Variants in CSNK1G3 observed in about 807,000 individuals in gnomAD.
The protein encoded by CSNK1G3 is casein kinase 1 gamma 3, also known as casein kinase I isoform gamma-3.
A neutral mutation model predicts 64.3 loss-of-function variants in CSNK1G3; 23 were observed. The ratio of observed to expected loss-of-function variants is 0.36; its 90% CI spans 0.26 to 0.51. The LOEUF is 0.51. CSNK1G3 is among the 20% of genes least tolerant of loss of function. The pLI is 0.96. For synonymous variants in CSNK1G3, 158 were observed against 162.2 expected, an observed-to-expected ratio of 0.97 and a Z score of 0.20; for missense variants, 357 against 510.5, an observed-to-expected ratio of 0.70 and a Z score of 2.90.
At chr5:123,593,168 T>G (rs1792725634) in intron 10 of CSNK1G3, among the ~76,000 whole-genome samples, 1 of 150,316 alleles carries the variant, frequency 6.7e-6, no homozygotes. Flanking sequence ...GTCCAGTCCT[T>G]GCACTAAATG....
chr5:123,552,407 G>T (rs142262074), intron 2 of CSNK1G3, among the ~76,000 whole-genome samples: 1,553 of 152,220 alleles, frequency 0.01, 33 homozygotes, highest in African/African-American at 0.035. Flanking sequence ...GCCTCCCAAA[G>T]TGTTGGGATT....
chr5:123,570,709 A>G (rs1388794197), intron 4 of CSNK1G3, among the ~76,000 whole-genome samples: 1 of 152,158 alleles, frequency 6.6e-6, no homozygotes, highest in East Asian at 1.9e-4. Context: ...CATTTTTTAT[A>G]TAGTTCTAAC....
chr5:123,521,978 C>T (rs1361225813), intron 1 of CSNK1G3, among the ~76,000 whole-genome samples: 1 of 152,132 alleles, frequency 6.6e-6, no homozygotes, highest in Non-Finnish European at 1.5e-5. Context: ...CAGACGATTC[C>T]AGTGTCCTGC....
intron 2 of CSNK1G3, among the ~76,000 whole-genome samples, chr5:123,547,632 T>G (rs1230340341): frequency 6.6e-6 from 1 of 152,174 alleles, no homozygotes; most frequent in African/African-American, 2.4e-5. Flanking sequence ...TCGTGGCTTC[T>G]TAGTACATCT....
intron 12 of CSNK1G3, among the ~76,000 whole-genome samples, chr5:123,612,262 G>A (rs1407183655): frequency 6.6e-6 from 1 of 152,094 alleles, no homozygotes; most frequent in South Asian, 2.1e-4. Flanking sequence ...GTGTAATTTG[G>A]TTTGCAGTAC....
At chr5:123,613,607 A>G (rs1297226424) in intron 12 of CSNK1G3, among the ~76,000 whole-genome samples, 1 of 152,040 alleles carries the variant, frequency 6.6e-6, no homozygotes. Flanking sequence ...CCTGAGCTCA[A>G]GCAATCCTCC....
At chr5:123,519,939 C>A (rs1265031954) in intron 1 of CSNK1G3, among the ~76,000 whole-genome samples, 1 of 152,198 alleles carries the variant, frequency 6.6e-6, no homozygotes, top group Non-Finnish European at 1.5e-5. Context: ...CAATGTAAAT[C>A]AGTCAGCTAA....
chr5:123,610,457 T>C (rs1433764160), intron 12 of CSNK1G3, among the ~76,000 whole-genome samples: 1 of 152,054 alleles, frequency 6.6e-6, no homozygotes, highest in Non-Finnish European at 1.5e-5. Context: ...AAGAACATCA[T>C]ATCCAGATAG....
At chr5:123,592,193 A>T (rs1282870951) in intron 10 of CSNK1G3, among the ~76,000 whole-genome samples, 2 of 152,070 alleles carry the variant, frequency 1.3e-5, no homozygotes, top group African/African-American at 2.4e-5. Context: ...GAGTTTTTAA[A>T]GGGAAATGAA....
intron 1 of CSNK1G3, among the ~76,000 whole-genome samples, chr5:123,515,312 C>T (rs1420891660): frequency 6.6e-6 from 1 of 152,026 alleles, no homozygotes; most frequent in Non-Finnish European, 1.5e-5. Context: ...TTCCAAAGGG[C>T]TTCCCAAAAG....
At chr5:123,597,849 A>C (rs749862746) in intron 10 of CSNK1G3, among the ~76,000 whole-genome samples, 12 of 152,196 alleles carry the variant, frequency 7.9e-5, no homozygotes, top group Non-Finnish European at 1.6e-4. Context: ...TGGTTTTGTT[A>C]TGAAAATTTA....
intron 12 of CSNK1G3, 32 bp downstream of exon 13, chr5:123,605,394 C>A: frequency 6.2e-7 from 1 of 1,605,142 alleles, no homozygotes; most frequent in Non-Finnish European, 8.5e-7. Context: ...GCAGAAATAG[C>A]TCCATTGACT....
intron 10 of CSNK1G3, among the ~76,000 whole-genome samples, chr5:123,604,360 G>A (rs1350846959): frequency 6.6e-6 from 1 of 152,070 alleles, no homozygotes; most frequent in Non-Finnish European, 1.5e-5. Context: ...TTCAAGGAAA[G>A]TAATTCATGA....
intron 1 of CSNK1G3, among the ~76,000 whole-genome samples, chr5:123,530,124 C>A (rs1463381819): frequency 6.6e-6 from 1 of 151,882 alleles, no homozygotes; most frequent in Non-Finnish European, 1.5e-5. Flanking sequence ...ATTTCCTCCC[C>A]TTCCAACTAT....
At chr5:123,595,418 A>C (rs759436993) in intron 10 of CSNK1G3, among the ~76,000 whole-genome samples, 1 of 152,180 alleles carries the variant, frequency 6.6e-6, no homozygotes, top group Non-Finnish European at 1.5e-5. Context: ...TTATGCTTGA[A>C]ATAGGTATTA....
chr5:123,545,539 G>A, exon 2 of CSNK1G3: 1 of 713,810 alleles, frequency 1.4e-6, no homozygotes, highest in Non-Finnish European at 2.2e-6. Context: ...ACTACCTACT[G>A]CAATTTGAAT....
At chr5:123,544,682 C>T (rs1251389433) in intron 1 of CSNK1G3, among the ~76,000 whole-genome samples, 2 of 152,136 alleles carry the variant, frequency 1.3e-5, no homozygotes, top group Non-Finnish European at 2.9e-5. Context: ...CAGACTCTTC[C>T]AAAAGCCTTG....
chr5:123,587,373 A>C (rs142926351), intron 6 of CSNK1G3, among the ~76,000 whole-genome samples: 1 of 152,340 alleles, frequency 6.6e-6, no homozygotes, highest in African/African-American at 2.4e-5. Flanking sequence ...CTTCAGTGAC[A>C]GAAAAATTGA....
chr5:123,574,926 A>G (rs1317441598), intron 5 of CSNK1G3, among the ~76,000 whole-genome samples: 2 of 152,194 alleles, frequency 1.3e-5, no homozygotes, highest in African/African-American at 2.4e-5. Context: ...TTAAGAATAT[A>G]TAGACATAGA....
Sources: allele counts gnomAD v4.1 joint callset (sites outside exome capture counted in the v4.1 genomes callset), GRCh38; gene constraint gnomAD v4.1.1; transcripts MANE v1.5; gene names NCBI Gene and HGNC (gene_info 2026-07-23, HGNC 2026-07-21).